ZNF160: variants seen among roughly 807,000 people sequenced by gnomAD.
ZNF160 encodes KRAB zinc finger protein KR18.
In ZNF160, 9 loss-of-function variants were observed where a neutral mutation model predicts 13.1. That is an observed-to-expected ratio of 0.69 (90% CI 0.41 to 1.20). The LOEUF is 1.20. Among genes scored for constraint, ZNF160 ranks in the 50% most tolerant of loss-of-function variants. The pLI, the probability that ZNF160 is intolerant of heterozygous loss-of-function variation, is 0.01. For synonymous variants in ZNF160, 293 were observed against 333.2 expected, an observed-to-expected ratio of 0.88 and a Z score of 1.31; for missense variants, 838 against 988.0, an observed-to-expected ratio of 0.85 and a Z score of 2.04.
intron 1 of ZNF160, among the ~76,000 whole-genome samples, chr19:53,101,162 C>T (rs529085644): frequency 6.6e-6 from 1 of 152,050 alleles, no homozygotes; most frequent in African/African-American, 2.4e-5. Flanking sequence ...CACCTGTAAT[C>T]CCAGCTAGTT....
At chr19:53,084,714 C>T (rs145204489) in intron 3 of ZNF160, among the ~76,000 whole-genome samples, 2,675 of 152,216 alleles carry the variant, frequency 0.018, 32 homozygotes, top group Middle Eastern at 0.14. Flanking sequence ...GCATTATCCC[C>T]GCATTTTCAT....
In ZNF160 at chr19:53,068,436, T is replaced by C; in HGVS notation, c.2098A>G (p.Thr700Ala). 1.2e-6 allele frequency: 2 copies of C among 1,613,888 alleles called. No individual in the cohort carries two copies. The highest frequency in any genetic ancestry group is 1.7e-6 in the Non-Finnish European group (2 of 1,179,940). Reference protein sequence around the residue: ...SHLANHQRTHTGEKPYRCNEC... With the variant: ...SHLANHQRTHAGEKPYRCNEC... ...TTGCATCGGTAAGGTTTCTCTCCGGTGTGAGTCCTTTGATGATTTGCAAGG... is the reference window on the plus strand; with the variant it reads ...TTGCATCGGTAAGGTTTCTCTCCGGCGTGAGTCCTTTGATGATTTGCAAGG... Residue 700 changes from threonine (T) to alanine (A), a missense_variant, in exon 6 of 6, where the codon ACC becomes GCC. Thr to Ala is a moderately conservative substitution (Grantham distance 58). Transcript: ENST00000683776.
At chr19:53,070,324 C>A in intron 5 of ZNF160, 62 bp from the exon 6 acceptor site, 1 of 1,396,166 alleles carries the variant, frequency 7.2e-7, no homozygotes, top group South Asian at 1.6e-5. Flanking sequence ...AAATATTTTA[C>A]ATTGAAAACA....
At chr19:53,094,230 G>A (rs144892994) in intron 1 of ZNF160, among the ~76,000 whole-genome samples, 25 of 152,112 alleles carry the variant, frequency 1.6e-4, no homozygotes, top group African/African-American at 5.5e-4. Flanking sequence ...ACCAGATACC[G>A]TTCCTCCACA....
Position 53,068,424 on chromosome 19 carries a change from G to T in ZNF160, c.2110C>A (p.Pro704Thr). 6.2e-7 allele frequency: 1 copy of T among 1,614,014 alleles called. No individual in the cohort carries two copies. Among genetic ancestry groups the T allele is most frequent in the Non-Finnish European group, 8.5e-7 (1 of 1,179,986 alleles). The change falls in exon 6 of 6, where the codon CCT becomes ACT. Residue 704 changes from proline to threonine, a missense_variant. Physicochemically the swap from Pro to Thr is conservative, Grantham distance 38. Around this residue, in one of 3 missense-constraint regions of ZNF160, gnomAD observed 400 missense variants for 538.9 expected, o/e 0.74. Coordinates refer to ENST00000683776, the MANE Select transcript of ZNF160 (RefSeq NM_001322131.2). ...TTCCCACACTCATTGCATCGGTAAG[G>T]TTTCTCTCCGGTGTGAGTCCTTTGA... Reference protein sequence around the residue: ...NHQRTHTGEKPYRCNECGKAF... With the variant: ...NHQRTHTGEKTYRCNECGKAF...
chr19:53,077,688 C>CAAAAGAA, intron 3 of ZNF160, among the ~76,000 whole-genome samples: 1 of 135,048 alleles, frequency 7.4e-6, no homozygotes, highest in Middle Eastern at 3.9e-3. Flanking sequence ...AAAAAAAAAG[C>CAAAAGAA]AAAAGAAAAA....
At chr19:53,085,954 A>G in intron 3 of ZNF160, 1 of 1,192,732 alleles carries the variant, frequency 8.4e-7, no homozygotes, top group South Asian at 1.3e-5. Flanking sequence ...CAGTGCATCC[A>G]GATGCGGCCC....
At chr19:53,073,592 A>G in intron 5 of ZNF160, 1 of 1,456,820 alleles carries the variant, frequency 6.9e-7, no homozygotes, top group East Asian at 2.5e-5. Context: ...CCTCTGACCC[A>G]TATGGACTAA....
chr19:53,096,390 A>G (rs550202458), intron 1 of ZNF160, among the ~76,000 whole-genome samples: 1 of 152,090 alleles, frequency 6.6e-6, no homozygotes, highest in Non-Finnish European at 1.5e-5. Flanking sequence ...AGGGCCCTTC[A>G]TGGAGACCAC....
chr19:53,073,923 C>T (rs1159558929), intron 5 of ZNF160, among the ~76,000 whole-genome samples: 3 of 152,098 alleles, frequency 2.0e-5, no homozygotes, highest in Non-Finnish European at 2.9e-5. Flanking sequence ...GTAGCTGGGA[C>T]TACAGGCACA....
At position 53,091,131 on chromosome 19, in the gene ZNF160, T is replaced by C. The variant is rs1328535923; in HGVS notation, c.-46+282A>G. 1.3e-5 allele frequency: 2 copies of C among 152,246 alleles called. No individual in the cohort carries two copies. The highest frequency in any genetic ancestry group is 4.8e-5 in the African/African-American group (2 of 41,448). 9.4% of individuals were successfully genotyped at this position (152,246 alleles called of 1,614,324 possible). A position where few individuals can be genotyped will look rare whatever the true frequency, so the allele number is the denominator to read the frequency against. ...ATCCCAGCCGAAGCGGGAGGATCAC[T>C]TGAGCCCACAAATTCGAGACCAGCT... is the stretch of plus-strand genomic sequence containing the variant. On this transcript the variant is annotated intron_variant, in intron 2 of 5. Coordinates refer to ENST00000683776, the MANE Select transcript of ZNF160 (RefSeq NM_001322131.2).
intron 3 of ZNF160, among the ~76,000 whole-genome samples, chr19:53,082,186 A>G (rs1424406791): frequency 6.6e-6 from 1 of 152,174 alleles, no homozygotes; most frequent in Non-Finnish European, 1.5e-5. Flanking sequence ...GGGTGATGGG[A>G]TCTTTGGAAG....
chr19:53,088,178 G>A (rs192728844), intron 2 of ZNF160, among the ~76,000 whole-genome samples: 149 of 152,210 alleles, frequency 9.8e-4, no homozygotes, highest in Middle Eastern at 3.4e-3. Flanking sequence ...AAAGGTTAAC[G>A]GGGTGTCATA....
chr19:53,086,221 G>A, intron 3 of ZNF160, 41 bp downstream of exon 3: 1 of 1,556,406 alleles, frequency 6.4e-7, no homozygotes, highest in African/African-American at 1.4e-5. Flanking sequence ...AGGCATTTCA[G>A]GAAGAAATAA....
chr19:53,083,907 G>C (rs2145771937), intron 3 of ZNF160, among the ~76,000 whole-genome samples: 1 of 152,270 alleles, frequency 6.6e-6, no homozygotes, highest in East Asian at 1.9e-4. Flanking sequence ...AAGGGAGTGA[G>C]TTATTATTTT....
intron 2 of ZNF160, among the ~76,000 whole-genome samples, chr19:53,088,553 C>G (rs2084926931): frequency 1.3e-5 from 2 of 150,906 alleles, no homozygotes; most frequent in African/African-American, 4.9e-5. Context: ...CAAAGTAAAA[C>G]TAGTTTTTAG....
At chr19:53,097,615 C>A (rs1372878205) in intron 1 of ZNF160, among the ~76,000 whole-genome samples, 1 of 152,196 alleles carries the variant, frequency 6.6e-6, no homozygotes, top group Admixed American at 6.5e-5. Flanking sequence ...GGGAATACCA[C>A]TGAAACCTAC....
rs149730108 is a variant in ZNF160, at chr19:53,069,808, T to C, written c.726A>G (p.Ser242=). 94 of 1,614,080 alleles carry C rather than the reference T, an allele frequency of 5.8e-5. No homozygotes were observed. Among genetic ancestry groups the C allele is most frequent in the Admixed American group, 1.5e-4 (9 of 60,004 alleles). The part of the protein sequence containing the change: ...SKKYHELNHF[S]LLTQRRKANS... ...TTGCTTTTCGTCTTTGTGTGAGTAA[T>C]GAAAAATGGTTAAGTTCATGATATT... Residue 242 remains serine (S), a synonymous_variant, in exon 6 of 6, where the codon TCA becomes TCG. Coordinates refer to ENST00000683776, the MANE Select transcript of ZNF160 (RefSeq NM_001322131.2). This position sits in a 1 kb window ranked among gnomAD's most constrained non-coding sequence, Gnocchi z 4.4.
Position 53,068,830 on chromosome 19 carries a change from A to G in ZNF160, c.1704T>C (p.Asn568=). ...IHSGEKPYKC[N]ECGKVFAQTS... is the part of the protein sequence containing the mutation. ...TTTGAGCGAAGACTTTACCACATTCATTACACTTGTAAGGTTTCTCTCCAG... is the reference window on the plus strand; with the variant it reads ...TTTGAGCGAAGACTTTACCACATTCGTTACACTTGTAAGGTTTCTCTCCAG... Residue 568 remains asparagine (N), a synonymous_variant, in exon 6 of 6, where the codon AAT becomes AAC. Coordinates refer to ENST00000683776, the MANE Select transcript of ZNF160 (RefSeq NM_001322131.2). The G allele has an allele frequency of 6.2e-7, 1 of 1,614,086 alleles. No individual in the cohort carries two copies. Among genetic ancestry groups the G allele is most frequent in the African/African-American group, 1.3e-5 (1 of 75,042 alleles).
Sources: allele counts gnomAD v4.1 joint callset (sites outside exome capture counted in the v4.1 genomes callset), GRCh38; gene constraint gnomAD v4.1.1; regional missense constraint gnomAD v4.1.1; non-coding constraint Gnocchi (gnomAD v3.1); transcripts MANE v1.5; gene names NCBI Gene and HGNC (gene_info 2026-07-23, HGNC 2026-07-21).